The following LVRN variants were observed in gnomAD, a reference collection of about 807,000 sequenced individuals.
LVRN encodes aminopeptidase Q.
A neutral mutation model predicts 111.4 loss-of-function variants in LVRN; 99 were observed. That is an observed-to-expected ratio of 0.89 (90% CI 0.76 to 1.05). The LOEUF is 1.05. Among genes scored for constraint, LVRN ranks in the 50% least tolerant of loss-of-function variants. The pLI, the probability that LVRN is intolerant of heterozygous loss-of-function variation, is 0.00. For synonymous variants in LVRN, 488 were observed against 449.5 expected, an observed-to-expected ratio of 1.09 and a Z score of -1.08; for missense variants, 1,414 against 1,206.8, an observed-to-expected ratio of 1.17 and a Z score of -2.54.
chr5:115,964,456 A>T (rs931980466), intron 1 of LVRN, among the ~76,000 whole-genome samples: 10 of 152,176 alleles, frequency 6.6e-5, no homozygotes, highest in African/African-American at 2.4e-4. Flanking sequence ...AAATACATCA[A>T]TGCTTGAAAA....
chr5:116,014,160 G>A (rs961235532), intron 15 of LVRN, among the ~76,000 whole-genome samples: 6 of 152,138 alleles, frequency 3.9e-5, no homozygotes, highest in Non-Finnish European at 7.4e-5. Context: ...GGAGATGAAG[G>A]ATGGCAGTAA....
At chr5:116,010,415 T>C (rs1748461582) in intron 13 of LVRN, 1 of 388,716 alleles carries the variant, frequency 2.6e-6, no homozygotes, top group Admixed American at 3.1e-5. Context: ...TAATTAATAT[T>C]TGTTGAATGC....
At chr5:116,005,087 C>T (rs565661401) in intron 12 of LVRN, among the ~76,000 whole-genome samples, 7 of 152,196 alleles carry the variant, frequency 4.6e-5, no homozygotes, top group Admixed American at 6.5e-5. Flanking sequence ...ATTATTTCTA[C>T]GACATAATTG....
rs748355659 is a variant in LVRN, at chr5:116,026,647, A to C, written c.*529A>C. 2.3e-4 allele frequency: 37 copies of C among 162,530 alleles called. No homozygotes were observed. The highest frequency in any genetic ancestry group is 4.9e-4 in the Non-Finnish European group (37 of 75,552). 10.1% of individuals were successfully genotyped at this position (162,530 alleles called of 1,614,324 possible). On this transcript the variant is annotated 3_prime_UTR_variant, in exon 20 of 20. Coordinates refer to ENST00000357872, the MANE Select transcript of LVRN (RefSeq NM_173800.5). ...CAAAGAAAAGCAAGTTGAAAAAGAAAGAGGAGACAATTTAACGAGCCCTAA... is the reference window on the plus strand; with the variant it reads ...CAAAGAAAAGCAAGTTGAAAAAGAACGAGGAGACAATTTAACGAGCCCTAA...
At chr5:115,982,554 G>A (rs895660423) in intron 1 of LVRN, among the ~76,000 whole-genome samples, 3 of 152,006 alleles carry the variant, frequency 2.0e-5, no homozygotes, top group African/African-American at 7.3e-5. Flanking sequence ...TTGTTTGCTG[G>A]GACCTGTGCT....
At chr5:116,025,840 C>G in intron 19 of LVRN, 138 bp from the exon 20 acceptor site, 2 of 1,084,934 alleles carry the variant, frequency 1.8e-6, no homozygotes, top group Non-Finnish European at 2.6e-6. Flanking sequence ...GGACACACAA[C>G]CTAGGAGTAT....
At chr5:115,975,740 A>C (rs1753432465) in intron 1 of LVRN, 1 of 153,148 alleles carries the variant, frequency 6.5e-6, no homozygotes, top group Admixed American at 6.5e-5. Context: ...GACGTTTCTT[A>C]CCATTTTTCA....
Position 116,010,872 on chromosome 5 carries a change from A to T in LVRN, c.2225A>T (p.Tyr742Phe). 6.2e-7 allele frequency: 1 copy of T among 1,607,166 alleles called. No individual in the cohort carries two copies. ...GATCTTGTTTCTGAGGTGAACATCT[A>T]TGATATATACTCATTATTAAAGGTA... ...TRDLVSEVNIYDIYSLLKRYL... is the reference protein window; with the variant it reads ...TRDLVSEVNIFDIYSLLKRYL... Residue 742 changes from tyrosine (Y) to phenylalanine (F), a missense_variant, in exon 14 of 20, where the codon TAT (tyrosine) becomes TTT (phenylalanine). Tyr to Phe is a conservative substitution (Grantham distance 22). Transcript: ENST00000357872.
chr5:116,012,604 C>G lies in LVRN; in HGVS notation c.2342+136C>G, dbSNP rs535429287. 5.3e-6 allele frequency: 3 copies of G among 570,690 alleles called. No individual in the cohort carries two copies. The East Asian group carries it at 1.0e-4, about 20-fold the overall frequency. 35.4% of individuals were successfully genotyped at this position (570,690 alleles called of 1,614,324 possible). On this transcript the variant is annotated intron_variant, in intron 15 of 19. Transcript: ENST00000357872. ...TGCTATTATTATTTGAGAACAATAG[C>G]TCAGAGGTTGGTGGGCTACATGTAT...
In LVRN at chr5:116,026,030, A is replaced by G; in HGVS notation, c.2885A>G (p.His962Arg). ...GAGGAACACCAGAGGATCAGAGTTCATGCCAACTTACAGACAATAAAGAAT... is the reference window on the plus strand; with the variant it reads ...GAGGAACACCAGAGGATCAGAGTTCGTGCCAACTTACAGACAATAAAGAAT... ...MLEEHQRIRV[H>R]ANLQTIKNEN... Residue 962 changes from histidine to arginine, a missense_variant, in exon 20 of 20, where the codon CAT becomes CGT. Coordinates refer to ENST00000357872, the MANE Select transcript of LVRN (RefSeq NM_173800.5). The G allele has an allele frequency of 2.5e-6, 4 of 1,613,970 alleles. No individual in the cohort carries two copies. The highest frequency in any genetic ancestry group is 3.4e-6 in the Non-Finnish European group (4 of 1,179,882).
chr5:115,989,840 A>G (rs1324740716), intron 4 of LVRN, among the ~76,000 whole-genome samples: 1 of 152,132 alleles, frequency 6.6e-6, no homozygotes, highest in Non-Finnish European at 1.5e-5. Flanking sequence ...GAGTTCCTCT[A>G]TTATTGGGTT....
At chr5:115,987,988 C>T (rs1397975032) in intron 4 of LVRN, 49 bp downstream of exon 4, 3 of 1,584,188 alleles carry the variant, frequency 1.9e-6, no homozygotes, top group East Asian at 2.2e-5. Context: ...GTTATTTGGG[C>T]CCTTGGTTGA....
At chr5:115,978,010 C>G (rs2112564159) in intron 1 of LVRN, among the ~76,000 whole-genome samples, 1 of 152,086 alleles carries the variant, frequency 6.6e-6, no homozygotes, top group Admixed American at 6.5e-5. Context: ...TTTGGGGGGC[C>G]AAATAAAGGT....
chr5:115,987,221 T>C (rs1747889052), intron 3 of LVRN, among the ~76,000 whole-genome samples: 1 of 152,146 alleles, frequency 6.6e-6, no homozygotes, highest in Non-Finnish European at 1.5e-5. Flanking sequence ...CATTTGGCAA[T>C]AGAAAAACAA....
intron 18 of LVRN, among the ~76,000 whole-genome samples, chr5:116,022,003 G>T (rs1748740803): frequency 6.6e-6 from 1 of 152,162 alleles, no homozygotes; most frequent in South Asian, 2.1e-4. Flanking sequence ...GGGGGCTTTA[G>T]TCAGCAGTTC....
intron 1 of LVRN, among the ~76,000 whole-genome samples, chr5:115,970,573 G>C (rs1441741760): frequency 6.6e-6 from 1 of 151,942 alleles, no homozygotes; most frequent in Non-Finnish European, 1.5e-5. Context: ...TTTCAGTAGA[G>C]ATGGGGTTTC....
chr5:115,985,206 C>T (rs55681336), intron 3 of LVRN, among the ~76,000 whole-genome samples: 5,101 of 152,182 alleles, frequency 0.034, 144 homozygotes, highest in Middle Eastern at 0.061. Flanking sequence ...AAATATTATC[C>T]CTATTGTTCT....
At chr5:115,983,962 A>G (rs1259590163) in intron 2 of LVRN, among the ~76,000 whole-genome samples, 2 of 152,132 alleles carry the variant, frequency 1.3e-5, no homozygotes, top group African/African-American at 4.8e-5. Flanking sequence ...TAGCCTCCAC[A>G]ATTGTCATCT....
At chr5:115,997,795 A>T (rs1020513998) in intron 6 of LVRN, among the ~76,000 whole-genome samples, 103 of 152,310 alleles carry the variant, frequency 6.8e-4, no homozygotes, top group African/African-American at 2.5e-3. Flanking sequence ...TTTAAAGCTG[A>T]CATCATGTTT....
Sources: gnomAD v4.1 joint callset for allele counts (sites outside exome capture counted in the v4.1 genomes callset) on GRCh38, gnomAD v4.1.1 for gene constraint, MANE v1.5 for transcripts, NCBI Gene and HGNC (gene_info 2026-07-23, HGNC 2026-07-21) for gene names.